The following TRANK1 variants were observed in gnomAD, a reference collection of about 807,000 sequenced individuals.
The protein encoded by TRANK1 is tetratricopeptide repeat and ankyrin repeat containing 1, also known as TPR and ankyrin repeat-containing protein 1.
TRANK1 carries 198 observed loss-of-function variants against 266.0 expected under a neutral mutation model. The ratio of observed to expected loss-of-function variants is 0.74; its 90% CI spans 0.66 to 0.84. The LOEUF (loss-of-function observed/expected upper bound fraction) is 0.84, where lower values mean the gene tolerates loss of function less well. TRANK1 is among the 40% of genes least tolerant of loss of function. TRANK1 has a pLI of 0.00. For missense variants in TRANK1, 3,326 were observed against 3,634.6 expected, an observed-to-expected ratio of 0.92 and a Z score of 2.18; for synonymous variants, 1,396 against 1,384.1, an observed-to-expected ratio of 1.01 and a Z score of -0.19.
At position 36,892,863 on chromosome 3, in the gene TRANK1, A is replaced by ATC. The variant is rs779244075; in HGVS notation, c.636+37_636+38insGA. ...AAAACAAAACAAAACATATATATAT[A>ATC]TATATATAGATATATATAGATATAT... On this transcript the variant is annotated intron_variant, in intron 6 of 23. Coordinates refer to ENST00000645898, the MANE Select transcript of TRANK1 (RefSeq NM_001329998.2). 603 of 606,456 alleles carry ATC rather than the reference A, an allele frequency of 9.9e-4. 8 individuals are homozygous for ATC. The African/African-American group carries it at 0.011, about 11-fold the overall frequency. 37.6% of individuals were successfully genotyped at this position (606,456 alleles called of 1,614,324 possible).
chr3:36,873,519 T>G (rs1299242338), intron 9 of TRANK1, among the ~76,000 whole-genome samples: 1 of 152,228 alleles, frequency 6.6e-6, no homozygotes, highest in Non-Finnish European at 1.5e-5. Context: ...AGAGTAACAT[T>G]TACATAATTA....
chr3:36,841,652 G>A (rs2078845817), intron 18 of TRANK1, among the ~76,000 whole-genome samples: 1 of 152,090 alleles, frequency 6.6e-6, no homozygotes, highest in Non-Finnish European at 1.5e-5. Flanking sequence ...GACCACTGAG[G>A]ACTTCATGAT....
Position 36,827,298 on chromosome 3 carries a change from G to A in TRANK1, c.*977C>T, listed in dbSNP as rs1377404827. On this transcript the variant is annotated 3_prime_UTR_variant, in exon 24 of 24. Transcript: ENST00000645898. The stretch of plus-strand genomic sequence containing the variant: ...TGGCAGTGACGGATTTGGCTTAGCT[G>A]GCTCCCTCCTCTGTCCACTTGCTCC... 2 of 152,284 alleles carry A rather than the reference G, an allele frequency of 1.3e-5. No individual in the cohort carries two copies. Among genetic ancestry groups the A allele is most frequent in the Non-Finnish European group, 2.9e-5 (2 of 68,102 alleles). 9.4% of individuals were successfully genotyped at this position (152,284 alleles called of 1,614,324 possible). A position where few individuals can be genotyped will look rare whatever the true frequency, so the allele number is the denominator to read the frequency against.
intron 7 of TRANK1, among the ~76,000 whole-genome samples, chr3:36,890,451 T>C (rs1575270428): frequency 6.6e-6 from 1 of 152,176 alleles, no homozygotes; most frequent in East Asian, 1.9e-4. Flanking sequence ...AATCAAGAGC[T>C]ACAGAATGCA....
intron 9 of TRANK1, among the ~76,000 whole-genome samples, chr3:36,866,052 AAAAGAAAGAAAGAAAG>A (rs56714482): frequency 0.013 from 1,704 of 127,864 alleles, 15 homozygotes; most frequent in Middle Eastern, 0.038. Flanking sequence ...GACAGAAAGA[AAAAGAAAGAAAGAAAG>A]AAAGAAAGAA....
At position 36,847,245 on chromosome 3, in the gene TRANK1, G is replaced by A; in HGVS notation, c.4989C>T (p.Gly1663=). 6.2e-7 allele frequency: 1 copy of A among 1,613,580 alleles called. No individual in the cohort carries two copies. Among genetic ancestry groups the A allele is most frequent in the Non-Finnish European group, 8.5e-7 (1 of 1,179,714 alleles). The change falls in exon 16 of 24, where the codon GGC becomes GGT. Residue 1663 remains glycine, a synonymous_variant. Transcript: ENST00000645898. ...PLVEVPLDKP[G]SSQGRSLMVN... is the part of the protein sequence containing the mutation. The stretch of plus-strand genomic sequence containing the variant: ...CCATGAGAGATCGACCCTGAGAAGA[G>A]CCTGGTTTGTCCAGGGGTACTTCAA...
At chr3:36,860,810 GC>G in intron 11 of TRANK1, 95 bp downstream of exon 11, 1 of 1,473,436 alleles carries the variant, frequency 6.8e-7, no homozygotes, top group Admixed American at 2.2e-5. Context: ...ACTTCATGGT[GC>G]CTCCAAAAGC....
In TRANK1 at chr3:36,892,886, T is replaced by A. The variant is rs9682379; in HGVS notation, c.636+15A>T. The stretch of plus-strand genomic sequence containing the variant: ...ATATATATATAGATATATATAGATA[T>A]ATATATCACCTTACCTCAAAGAGAC... On this transcript the variant is annotated intron_variant, in intron 6 of 23. Transcript: ENST00000645898. The A allele has an allele frequency of 1.5e-4, 166 of 1,142,876 alleles. 1 individual carries two copies. Among genetic ancestry groups the A allele is most frequent in the Non-Finnish European group, 1.8e-4 (156 of 859,882 alleles). 70.8% of individuals were successfully genotyped at this position (1,142,876 alleles called of 1,614,324 possible).
At chr3:36,894,632 T>A (rs1028931557) in intron 5 of TRANK1, among the ~76,000 whole-genome samples, 1 of 152,188 alleles carries the variant, frequency 6.6e-6, no homozygotes, top group African/African-American at 2.4e-5. Flanking sequence ...CCTGAAACTA[T>A]ACACATAATT....
At chr3:36,835,094 C>T (rs903297484) in intron 20 of TRANK1, among the ~76,000 whole-genome samples, 187 bp from the exon 21 acceptor site, 21 of 151,652 alleles carry the variant, frequency 1.4e-4, no homozygotes, top group South Asian at 1.0e-3. Context: ...CCGAGGCGGG[C>T]GGATCACGAG....
Position 36,833,211 on chromosome 3 carries a change from G to A in TRANK1, c.6372C>T (p.Ala2124=), listed in dbSNP as rs1345584867. 6 of 1,613,912 alleles carry A rather than the reference G, an allele frequency of 3.7e-6. No individual in the cohort carries two copies. Among genetic ancestry groups the A allele is most frequent in the Non-Finnish European group, 5.1e-6 (6 of 1,179,870 alleles). ...CATTCTGAGCTATCTGGCAATACTT[G>A]GCATCCACCTGGGAAATCCCAAAAA... is the stretch of plus-strand genomic sequence containing the variant. ...FEFFGISQVD[A]KYCQIAQNDP... is the part of the protein sequence containing the mutation. The change falls in exon 22 of 24, where the codon GCC becomes GCT. Residue 2124 remains alanine (A), a synonymous_variant. Coordinates refer to ENST00000645898, the MANE Select transcript of TRANK1 (RefSeq NM_001329998.2).
At chr3:36,829,449 G>A in intron 23 of TRANK1, 115 bp downstream of exon 23, 1 of 894,050 alleles carries the variant, frequency 1.1e-6, no homozygotes, top group Non-Finnish European at 1.8e-6. Flanking sequence ...TAGACAGTGA[G>A]AGTCCACTAT....
At chr3:36,931,703 A>AAAAG (rs549012426) in intron 1 of TRANK1, among the ~76,000 whole-genome samples, 61 of 152,278 alleles carry the variant, frequency 4.0e-4, no homozygotes, top group African/African-American at 1.1e-3. Flanking sequence ...CCCTGTCACA[A>AAAAG]AAAGAAAGAA....
chr3:36,836,958 C>T (rs541911878), intron 20 of TRANK1, among the ~76,000 whole-genome samples: 1 of 152,342 alleles, frequency 6.6e-6, no homozygotes, highest in South Asian at 2.1e-4. Context: ...GGCTTCCCAT[C>T]ATGCTTGAAC....
chr3:36,908,275 T>G (rs1422317119), intron 2 of TRANK1, 48 bp downstream of exon 2: 17 of 1,231,396 alleles, frequency 1.4e-5, no homozygotes, highest in Non-Finnish European at 1.6e-5. Flanking sequence ...AGGAACAGAG[T>G]CCCATGTACT....
chr3:36,916,574 C>A (rs951327935), intron 1 of TRANK1, among the ~76,000 whole-genome samples: 6 of 151,950 alleles, frequency 3.9e-5, no homozygotes, highest in South Asian at 2.1e-4. Context: ...AATAAAAAAA[C>A]CAAGATCCAA....
At chr3:36,841,679 T>C (rs2078846433) in intron 18 of TRANK1, among the ~76,000 whole-genome samples, 1 of 151,958 alleles carries the variant, frequency 6.6e-6, no homozygotes, top group Non-Finnish European at 1.5e-5. Flanking sequence ...AATAGAGAGA[T>C]CAATGAGAAG....
rs1020709530 is a variant in TRANK1 at position 36,879,415 on chromosome 3, A to C, written c.908-5119T>G. Among the ~76,000 whole-genome samples, 3 of 151,160 alleles carry C rather than the reference A, an allele frequency of 2.0e-5. No homozygotes were observed. In the Admixed American group the frequency reaches 2.0e-4, roughly 10 times the overall value. On this transcript the variant is annotated intron_variant, in intron 8 of 23. Transcript: ENST00000645898. ...TCAAAGTAACCAGTTCTACTGATGA[A>C]AAAAAACAACAAACCCAACAACTCT...
At chr3:36,847,626 G>A (rs371782526) in intron 15 of TRANK1, among the ~76,000 whole-genome samples, 3 of 152,322 alleles carry the variant, frequency 2.0e-5, no homozygotes, top group East Asian at 3.9e-4. Context: ...AGGGCTCAGG[G>A]AGTTATTCTC....
Sources: allele counts gnomAD v4.1 joint callset (sites outside exome capture counted in the v4.1 genomes callset), GRCh38; gene constraint gnomAD v4.1.1; transcripts MANE v1.5; gene names NCBI Gene and HGNC (gene_info 2026-07-23, HGNC 2026-07-21).